RSF1: variants seen among roughly 807,000 people sequenced by gnomAD.
RSF1 encodes HBV pX-associated protein 8.
A neutral mutation model predicts 145.2 loss-of-function variants in RSF1; 13 were observed. That is an observed-to-expected ratio of 0.09 (90% CI 0.06 to 0.14). RSF1 has a LOEUF of 0.14. Ranked by LOEUF, RSF1 falls within the 10% of genes least tolerant of loss-of-function variation. The probability of loss-of-function intolerance (pLI) is 1.00; values close to 1 mark genes in which losing one functional copy is unlikely to be tolerated. For missense variants in RSF1, 1,517 were observed against 1,718.2 expected, an observed-to-expected ratio of 0.88 and a Z score of 2.07; for synonymous variants, 577 against 592.6, an observed-to-expected ratio of 0.97 and a Z score of 0.38.
the RSF1 span, among the ~76,000 whole-genome samples, chr11:77,867,157 A>G: frequency 6.6e-6 from 1 of 152,124 alleles, no homozygotes; most frequent in African/African-American, 2.4e-5. Flanking sequence ...CCTTTCATAA[A>G]TATATAAATT....
At chr11:77,799,403 G>A (rs1350486565) in intron 1 of RSF1, among the ~76,000 whole-genome samples, 1 of 150,550 alleles carries the variant, frequency 6.6e-6, no homozygotes, top group Non-Finnish European at 1.5e-5. Context: ...AGCTACTCAG[G>A]AAGTGAAAGG....
At chr11:77,856,827 G>A in the RSF1 span, among the ~76,000 whole-genome samples, 2 of 152,048 alleles carry the variant, frequency 1.3e-5, no homozygotes, top group African/African-American at 2.4e-5. Context: ...ATTACAATTC[G>A]ACATGAGATT....
At chr11:77,764,973 T>A (rs914244019) in intron 1 of RSF1, among the ~76,000 whole-genome samples, 1 of 152,180 alleles carries the variant, frequency 6.6e-6, no homozygotes, top group Non-Finnish European at 1.5e-5. Flanking sequence ...GTGATAATTA[T>A]ATGTCAATGT....
At chr11:77,833,307 G>A in the RSF1 span, among the ~76,000 whole-genome samples, 3 of 152,000 alleles carry the variant, frequency 2.0e-5, no homozygotes, top group Non-Finnish European at 4.4e-5. Context: ...TGGGAGCCCT[G>A]AGCTTGTTTT....
intron 1 of RSF1, among the ~76,000 whole-genome samples, chr11:77,792,275 C>T (rs1948525312): frequency 6.6e-6 from 1 of 152,116 alleles, no homozygotes. Flanking sequence ...TCAATTACCT[C>T]CCACCAAGTC....
chr11:77,814,533 C>T (rs1158844376), intron 1 of RSF1, among the ~76,000 whole-genome samples: 1 of 152,094 alleles, frequency 6.6e-6, no homozygotes, highest in Non-Finnish European at 1.5e-5. Context: ...GCAACCTCTG[C>T]CTCCCAGGTT....
At chr11:77,746,652 G>A (rs779419560) in intron 3 of RSF1, among the ~76,000 whole-genome samples, 2 of 152,162 alleles carry the variant, frequency 1.3e-5, no homozygotes, top group Non-Finnish European at 2.9e-5. Flanking sequence ...TTGGTTATGT[G>A]AGGGTTTTAA....
chr11:77,748,317 T>G (rs776113683), intron 2 of RSF1, among the ~76,000 whole-genome samples: 11 of 150,330 alleles, frequency 7.3e-5, no homozygotes, highest in Non-Finnish European at 1.6e-4. Context: ...CTTGACCCCC[T>G]GGGCTCAGGT....
intron 9 of RSF1, among the ~76,000 whole-genome samples, chr11:77,688,818 C>A (rs1203646286): frequency 1.3e-5 from 2 of 152,124 alleles, no homozygotes; most frequent in African/African-American, 4.8e-5. Flanking sequence ...CTTTTATGTC[C>A]TAGTCAATTT....
chr11:77,688,185 G>C lies in RSF1; in HGVS notation c.2900+2974C>G, dbSNP rs189169865. Among the ~76,000 whole-genome samples the C allele has an allele frequency of 1.5e-3, 222 of 152,174 alleles. 1 individual carries two copies. The highest frequency in any genetic ancestry group is 5.2e-3 in the African/African-American group (217 of 41,500). On this transcript the variant is annotated intron_variant, in intron 9 of 15. Transcript: ENST00000308488. Reference sequence around the variant, plus strand: ...CGCGTGCCTGTAATCCCAGCTACTCGAGAGGCTGAGGCAGAAGAATCGCTT... The same window carrying C: ...CGCGTGCCTGTAATCCCAGCTACTCCAGAGGCTGAGGCAGAAGAATCGCTT...
chr11:77,847,696 A>G, the RSF1 span, among the ~76,000 whole-genome samples: 2 of 152,244 alleles, frequency 1.3e-5, no homozygotes, highest in South Asian at 4.1e-4. Flanking sequence ...GAGCATCTAT[A>G]TATGCAGAAC....
intron 8 of RSF1, among the ~76,000 whole-genome samples, 198 bp downstream of exon 8, chr11:77,693,309 G>A (rs1046711297): frequency 6.6e-6 from 1 of 151,926 alleles, no homozygotes. Flanking sequence ...AAACTTAGAG[G>A]GCTTTTGATA....
chr11:77,834,441 G>GTTTTTTTT, the RSF1 span, among the ~76,000 whole-genome samples: 37 of 105,516 alleles, frequency 3.5e-4, no homozygotes, highest in East Asian at 5.8e-4. Flanking sequence ...AGTTGATTTT[G>GTTTTTTTT]TTTTTTTTTT....
chr11:77,716,205 C>G (rs1280936472), intron 5 of RSF1, among the ~76,000 whole-genome samples: 1 of 151,154 alleles, frequency 6.6e-6, no homozygotes, highest in Non-Finnish European at 1.5e-5. Context: ...ATATAGGAAA[C>G]AGTATGGACG....
intron 2 of RSF1, chr11:77,763,764 A>G (rs1289565225): frequency 1.3e-5 from 2 of 152,204 alleles, no homozygotes; most frequent in Admixed American, 1.3e-4. Context: ...CTAGGAAAAC[A>G]AACTGGTGGG....
chr11:77,670,328 T>C (rs774945432), intron 15 of RSF1, among the ~76,000 whole-genome samples: 2 of 152,168 alleles, frequency 1.3e-5, no homozygotes, highest in Non-Finnish European at 2.9e-5. Flanking sequence ...TCTGCCTGTA[T>C]CATTCTTCTT....
At chr11:77,856,124 A>C in the RSF1 span, among the ~76,000 whole-genome samples, 2 of 152,170 alleles carry the variant, frequency 1.3e-5, no homozygotes, top group Non-Finnish European at 2.9e-5. Context: ...TCTCAAAAAA[A>C]AGAAGAAAGG....
Position 77,662,730 on chromosome 11 carries a change from A to T in RSF1, c.*4187T>A, listed in dbSNP as rs1322240406. Reference sequence around the variant, plus strand: ...GCACACACTTTGGGAAAGGTAGATGATATAGGAATGGATTTTAATCTGAGA... The same window carrying T: ...GCACACACTTTGGGAAAGGTAGATGTTATAGGAATGGATTTTAATCTGAGA... On this transcript the variant is annotated 3_prime_UTR_variant, in exon 16 of 16. Coordinates refer to ENST00000308488, the MANE Select transcript of RSF1 (RefSeq NM_016578.4). 6.6e-6 allele frequency: 1 copy of T among 152,208 alleles called. No individual in the cohort carries two copies. The highest frequency in any genetic ancestry group is 2.4e-5 in the African/African-American group (1 of 41,458). 9.4% of individuals were successfully genotyped at this position (152,208 alleles called of 1,614,324 possible). A position where few individuals can be genotyped will look rare whatever the true frequency, so the allele number is the denominator to read the frequency against.
At chr11:77,743,422 T>A (rs191283627) in intron 3 of RSF1, among the ~76,000 whole-genome samples, 16 of 152,244 alleles carry the variant, frequency 1.1e-4, no homozygotes, top group Admixed American at 6.5e-5. Context: ...GTTTTCAGTA[T>A]AGAGATCTTT....
Sources: gnomAD v4.1 joint callset for allele counts (sites outside exome capture counted in the v4.1 genomes callset) on GRCh38, gnomAD v4.1.1 for gene constraint, MANE v1.5 for transcripts, NCBI Gene and HGNC (gene_info 2026-07-23, HGNC 2026-07-21) for gene names.